The following LGR5 variants were observed in gnomAD, a reference collection of about 807,000 sequenced individuals.
LGR5 encodes the protein leucine rich repeat containing G protein-coupled receptor 5.
In LGR5, 54 loss-of-function variants were observed where a neutral mutation model predicts 76.7. That is an observed-to-expected ratio of 0.70 (90% CI 0.57 to 0.88). LGR5 has a LOEUF of 0.88. Among genes scored for constraint, LGR5 ranks in the 40% least tolerant of loss-of-function variants. The probability of loss-of-function intolerance (pLI) is 0.00; values close to 1 mark genes in which losing one functional copy is unlikely to be tolerated. For synonymous variants in LGR5, 406 were observed against 421.9 expected (o/e 0.96, Z 0.46); for missense variants, 1,078 against 1,073.3 (o/e 1.00, Z -0.06).
intron 1 of LGR5, among the ~76,000 whole-genome samples, chr12:71,459,333 T>A (rs923351457): frequency 1.3e-5 from 2 of 152,110 alleles, no homozygotes; most frequent in African/African-American, 4.8e-5. Context: ...TTTGCACCCC[T>A]AATAATAACA....
chr12:71,583,782 C>A lies in LGR5; in HGVS notation c.1772C>A (p.Pro591His), dbSNP rs772795170. ...TTCAGATCCCCTCTGTACATTTCCCCCATTAAACTGTTAATTGGGGTCATC... is the reference window on the plus strand; with the variant it reads ...TTCAGATCCCCTCTGTACATTTCCCACATTAAACTGTTAATTGGGGTCATC... ...TVFRSPLYIS[P>H]IKLLIGVIAA... Residue 591 changes from proline to histidine, a missense_variant, in exon 18 of 18, where the codon CCC becomes CAC. Coordinates refer to ENST00000266674, the MANE Select transcript of LGR5 (RefSeq NM_003667.4). 4 of 1,613,980 alleles carry A rather than the reference C, an allele frequency of 2.5e-6. No homozygotes were observed. The highest frequency in any genetic ancestry group is 3.3e-5 in the Admixed American group (2 of 59,994).
At chr12:71,480,032 G>A (rs140310404) in intron 1 of LGR5, among the ~76,000 whole-genome samples, 7 of 152,230 alleles carry the variant, frequency 4.6e-5, no homozygotes, top group South Asian at 2.1e-4. Flanking sequence ...TCTATAGAGC[G>A]GGCAGGAGTG....
At chr12:71,578,050 T>C in intron 14 of LGR5, 54 bp downstream of exon 14, 3 of 1,351,706 alleles carry the variant, frequency 2.2e-6, no homozygotes, top group Non-Finnish European at 3.2e-6. Flanking sequence ...GAGGACCATC[T>C]AGTTAATTTT....
In LGR5 at chr12:71,562,545, A is replaced by G. The variant is rs1878113367; in HGVS notation, c.857+693A>G. On this transcript the variant is annotated intron_variant, in intron 8 of 17. Coordinates refer to ENST00000266674, the MANE Select transcript of LGR5 (RefSeq NM_003667.4). ...AACTATGATCATGCCTCCGAAGTCTATCATGGGCAACAGAGCCCTGTCTCC... is the reference window on the plus strand; with the variant it reads ...AACTATGATCATGCCTCCGAAGTCTGTCATGGGCAACAGAGCCCTGTCTCC... Among the ~76,000 whole-genome samples the G allele has an allele frequency of 3.3e-5, 5 of 152,330 alleles. No individual in the cohort carries two copies. In the South Asian group the frequency reaches 1.0e-3, roughly 32 times the overall value.
At chr12:71,527,315 G>T (rs568395165) in intron 3 of LGR5, among the ~76,000 whole-genome samples, 2 of 152,118 alleles carry the variant, frequency 1.3e-5, no homozygotes, top group Non-Finnish European at 2.9e-5. Flanking sequence ...ACGGAATACC[G>T]CAAACTGGGT....
chr12:71,557,705 C>T (rs1877846688), intron 6 of LGR5, among the ~76,000 whole-genome samples: 1 of 152,140 alleles, frequency 6.6e-6, no homozygotes, highest in Non-Finnish European at 1.5e-5. Context: ...CTTCATTGCC[C>T]TGTTGAGAAA....
Position 71,527,760 on chromosome 12 carries a change from A to G in LGR5, c.356+3283A>G, listed in dbSNP as rs143462410. On this transcript the variant is annotated intron_variant, in intron 3 of 17. Coordinates refer to ENST00000266674, the MANE Select transcript of LGR5 (RefSeq NM_003667.4). ...ATTAAGTTTCAACATGAATTTTTGG[A>G]GAGGACAAAAACATTCAAACCATAA... 3.3e-3 allele frequency among the ~76,000 whole-genome samples: 503 copies of G among 152,330 alleles called. 3 individuals are homozygous for G. Among genetic ancestry groups the G allele is most frequent in the African/African-American group, 0.011 (468 of 41,576 alleles).
chr12:71,478,788 C>G (rs1012274291), intron 1 of LGR5, among the ~76,000 whole-genome samples: 2 of 152,140 alleles, frequency 1.3e-5, no homozygotes, highest in African/African-American at 4.8e-5. Flanking sequence ...TGGAGAATTA[C>G]ATTTCTGTTT....
chr12:71,571,454 C>T, intron 11 of LGR5, 60 bp from the exon 12 acceptor site: 1 of 1,260,520 alleles, frequency 7.9e-7, no homozygotes, highest in Non-Finnish European at 1.1e-6. Flanking sequence ...GAGAGCAAAG[C>T]ATGTTTCTTT....
rs116065141 is a variant in LGR5 at position 71,523,909 on chromosome 12, A to G, written c.285-497A>G. Among the ~76,000 whole-genome samples, 1,280 of 152,324 alleles carry G rather than the reference A, an allele frequency of 8.4e-3. 17 individuals carry two copies. The highest frequency in any genetic ancestry group is 0.028 in the African/African-American group (1,179 of 41,568). ...TTAAGGTACTCTATCCTTTTCTGGT[A>G]GAGTTTAGAAAAAATTGATTGTGAT... On this transcript the variant is annotated intron_variant, in intron 2 of 17. Coordinates refer to ENST00000266674, the MANE Select transcript of LGR5 (RefSeq NM_003667.4).
At chr12:71,497,369 G>C (rs1874380688) in intron 1 of LGR5, among the ~76,000 whole-genome samples, 1 of 150,060 alleles carries the variant, frequency 6.7e-6, no homozygotes. Flanking sequence ...AGGAAGGAAG[G>C]AAGGAAAGAA....
intron 3 of LGR5, 40 bp downstream of exon 3, chr12:71,524,517 AG>A: frequency 7.1e-7 from 1 of 1,399,360 alleles, no homozygotes; most frequent in East Asian, 2.3e-5. Flanking sequence ...TTCTGATTTT[AG>A]TGTCAAATGG....
Position 71,506,933 on chromosome 12 carries a change from AT to A in LGR5, c.284+2256del, listed in dbSNP as rs553456247. 5.9e-4 allele frequency among the ~76,000 whole-genome samples: 89 copies of A among 152,024 alleles called. 2 individuals are homozygous for A. In the South Asian group the frequency reaches 0.016, roughly 27 times the overall value. On this transcript the variant is annotated intron_variant, in intron 2 of 17. Transcript: ENST00000266674. ...TTAAAAAATATCCCTTTAACAGAAC[AT>A]TTTTTTTATGCTGTTGATTGTTTCT...
chr12:71,504,288 A>T (rs1874748961), intron 1 of LGR5, among the ~76,000 whole-genome samples: 1 of 152,152 alleles, frequency 6.6e-6, no homozygotes, highest in Non-Finnish European at 1.5e-5. Flanking sequence ...AGTTATGTCT[A>T]GAGTTGAGTT....
chr12:71,575,722 A>ATATATGTGTGTG (rs1555176199), intron 13 of LGR5, among the ~76,000 whole-genome samples: 3 of 144,760 alleles, frequency 2.1e-5, no homozygotes, highest in African/African-American at 7.9e-5. Context: ...AAAAATATAT[A>ATATATGTGTGTG]TGTGTGTGTG....
In LGR5 at chr12:71,453,189, C is replaced by T. The variant is rs115994454; in HGVS notation, c.212+12897C>T. ...TTCAAATGAATTTGGCATCACCCAA[C>T]AACTGTTATAAATAAAAATATTCTA... On this transcript the variant is annotated intron_variant, in intron 1 of 17. Coordinates refer to ENST00000266674, the MANE Select transcript of LGR5 (RefSeq NM_003667.4). Among the ~76,000 whole-genome samples the T allele has an allele frequency of 9.7e-3, 1,482 of 152,308 alleles. 28 individuals are homozygous for T. The highest frequency in any genetic ancestry group is 0.034 in the African/African-American group (1,402 of 41,570).
At chr12:71,560,781 A>C (rs993627123) in intron 7 of LGR5, among the ~76,000 whole-genome samples, 5 of 152,230 alleles carry the variant, frequency 3.3e-5, no homozygotes, top group Non-Finnish European at 7.3e-5. Flanking sequence ...AGACAGAACA[A>C]GATTCTGTCT....
intron 4 of LGR5, among the ~76,000 whole-genome samples, chr12:71,552,567 C>CAAA (rs5799046): frequency 9.7e-5 from 12 of 124,016 alleles, no homozygotes; most frequent in African/African-American, 3.0e-4. Flanking sequence ...GACTTCGTCT[C>CAAA]AAAAAAAAAA....
At chr12:71,520,631 A>G (rs1245094833) in intron 2 of LGR5, among the ~76,000 whole-genome samples, 1 of 151,822 alleles carries the variant, frequency 6.6e-6, no homozygotes, top group Non-Finnish European at 1.5e-5. Context: ...AAAATCAAAC[A>G]ACGCATGTTC....
Sources: allele counts gnomAD v4.1 joint callset (sites outside exome capture counted in the v4.1 genomes callset), GRCh38; gene constraint gnomAD v4.1.1; transcripts MANE v1.5; gene names NCBI Gene and HGNC (gene_info 2026-07-23, HGNC 2026-07-21).